Variants in ZNF580 observed in about 807,000 individuals in gnomAD.
The protein encoded by ZNF580 is zinc finger protein 580.
In ZNF580, 1 loss-of-function variant was observed where a neutral mutation model predicts 1.3. The observed-to-expected ratio is 0.77, with a 90% CI of 0.27 to 3.65. The LOEUF (loss-of-function observed/expected upper bound fraction) is 3.65, where lower values mean the gene tolerates loss of function less well. Ranked by LOEUF, ZNF580 falls within the 30% of genes most tolerant of loss-of-function variation. The probability of loss-of-function intolerance (pLI) is 0.19; values close to 1 mark genes in which losing one functional copy is unlikely to be tolerated. For synonymous variants in ZNF580, 135 were observed against 128.8 expected (o/e 1.05, Z -0.32); for missense variants, 268 against 272.3 (o/e 0.98, Z 0.11).
intron 1 of ZNF580, 86 bp downstream of exon 1, chr19:55,641,269 G>A (rs1249601677): frequency 3.6e-5 from 31 of 857,646 alleles, no homozygotes; most frequent in Non-Finnish European, 4.3e-5. Flanking sequence ...GGAGCCACCC[G>A]GGATGGGGGT....
intron 1 of ZNF580, chr19:55,642,211 G>T: frequency 1.7e-6 from 2 of 1,175,678 alleles, no homozygotes. Flanking sequence ...GGGAAGAAAA[G>T]TCGGGGGACT....
In ZNF580 at chr19:55,642,770, C is replaced by G. The variant is rs769814220; in HGVS notation, c.262C>G (p.Pro88Ala). ...QREAPPGEPG[P>A]RKGYSCPECA... is the part of the protein sequence containing the mutation. ...CGAGGCGCCCCCAGGAGAGCCCGGC[C>G]CTCGCAAGGGCTACAGCTGCCCGGA... is the stretch of plus-strand genomic sequence containing the variant. Residue 88 changes from proline (P) to alanine (A), a missense_variant, in exon 2 of 2, where the codon CCT becomes GCT. Coordinates refer to ENST00000325333, the MANE Select transcript of ZNF580 (RefSeq NM_207115.2). The G allele has an allele frequency of 2.6e-6, 4 of 1,547,038 alleles. No individual in the cohort carries two copies. In the South Asian group the frequency reaches 3.6e-5, roughly 14 times the overall value.
chr19:55,641,220 G>A, intron 1 of ZNF580, 37 bp downstream of exon 1: 1 of 981,530 alleles, frequency 1.0e-6, no homozygotes, highest in Non-Finnish European at 1.2e-6. Flanking sequence ...GCCTGGCCCT[G>A]GGACGACGCC....
rs1354444260 is a variant in ZNF580 at position 55,643,221 on chromosome 19, C to T, written c.*194C>T. Reference sequence around the variant, plus strand: ...CCCTTTCTAGCTGTGTGATGTAGACCAAAGTCGTTGCCCCTCCCTGGGCCT... The same window carrying T: ...CCCTTTCTAGCTGTGTGATGTAGACTAAAGTCGTTGCCCCTCCCTGGGCCT... On this transcript the variant is annotated 3_prime_UTR_variant, in exon 2 of 2. Coordinates refer to ENST00000325333, the MANE Select transcript of ZNF580 (RefSeq NM_207115.2). 1 of 1,018,348 alleles carries T rather than the reference C, an allele frequency of 9.8e-7. No homozygotes were observed. The highest frequency in any genetic ancestry group is 4.4e-5 in the South Asian group (1 of 22,792). 63.1% of individuals were successfully genotyped at this position (1,018,348 alleles called of 1,614,324 possible).
intron 1 of ZNF580, 186 bp from the exon 2 acceptor site, chr19:55,642,311 C>G (rs953312616): frequency 2.4e-6 from 3 of 1,256,852 alleles, no homozygotes; most frequent in Non-Finnish European, 3.0e-6. Context: ...GTTGGAGGCC[C>G]TCTCCGAGGC....
chr19:55,642,674 A>C lies in ZNF580; in HGVS notation c.166A>C (p.Ile56Leu). The C allele has an allele frequency of 7.0e-7, 1 of 1,426,646 alleles. No individual in the cohort carries two copies. Among genetic ancestry groups the C allele is most frequent in the Non-Finnish European group, 9.2e-7 (1 of 1,087,086 alleles). The allele number at this position is 1,426,646 out of a possible 1,614,324, so 88.4% of individuals were successfully genotyped here. ...RPPRLGRHLL[I>L]DANGVPYTYT... is the part of the protein sequence containing the mutation. ...CCCGCGGCTGGGCCGCCACCTCCTC[A>C]TCGACGCCAATGGGGTCCCCTACAC... is the stretch of plus-strand genomic sequence containing the variant. Residue 56 changes from isoleucine to leucine, a missense_variant, in exon 2 of 2, where the codon ATC becomes CTC. Around this residue, in one of 2 missense-constraint regions of ZNF580, gnomAD observed 225 missense variants for 201.7 expected, o/e 1.12. Coordinates refer to ENST00000325333, the MANE Select transcript of ZNF580 (RefSeq NM_207115.2).
intron 1 of ZNF580, among the ~76,000 whole-genome samples, chr19:55,641,585 A>T (rs1982483077): frequency 6.6e-6 from 1 of 151,804 alleles, no homozygotes; most frequent in Admixed American, 6.6e-5. Context: ...GGCTTGGGAG[A>T]GGTGCTGTGG....
At position 55,642,923 on chromosome 19, in the gene ZNF580, C is replaced by T. The variant is rs1397268412; in HGVS notation, c.415C>T (p.Arg139Cys). ...FKRSSHLSRHRATHRARAGPP... is the reference protein window; with the variant it reads ...FKRSSHLSRHCATHRARAGPP... ...GCGCTCCAGCCACCTGTCGCGGCAT[C>T]GCGCCACGCACCGCGCCCGCGCCGG... Residue 139 changes from arginine (R) to cysteine (C), a missense_variant, in exon 2 of 2, where the codon CGC becomes TGC. Coordinates refer to ENST00000325333, the MANE Select transcript of ZNF580 (RefSeq NM_207115.2). 11 of 1,506,012 alleles carry T rather than the reference C, an allele frequency of 7.3e-6. No homozygotes were observed. The highest frequency in any genetic ancestry group is 8.8e-6 in the Non-Finnish European group (10 of 1,132,322). 93.3% of individuals were successfully genotyped at this position (1,506,012 alleles called of 1,614,324 possible).
Position 55,641,096 on chromosome 19 carries a change from G to T in ZNF580, c.-100G>T. 1 of 985,358 alleles carries T rather than the reference G, an allele frequency of 1.0e-6. No individual in the cohort carries two copies. The highest frequency in any genetic ancestry group is 1.2e-6 in the Non-Finnish European group (1 of 829,898). 61.0% of individuals were successfully genotyped at this position (985,358 alleles called of 1,614,324 possible). A position where few individuals can be genotyped will look rare whatever the true frequency, so the allele number is the denominator to read the frequency against. ...CGGCCCGGAGCTGCCCGGAAGTCTC[G>T]GTTCCGCCGCCGGCGCTCGCCAGGG... On this transcript the variant is annotated 5_prime_UTR_variant, in exon 1 of 2. Coordinates refer to ENST00000325333, the MANE Select transcript of ZNF580 (RefSeq NM_207115.2).
rs899891110 is a variant in ZNF580 at position 55,641,125 on chromosome 19, G to C, written c.-71G>C. On this transcript the variant is annotated 5_prime_UTR_variant, in exon 1 of 2. Transcript: ENST00000325333. ...CCGCCGCCGGCGCTCGCCAGGGGAA[G>C]CCCGGGGCCGCCCGGGACCTCGGCC... The C allele has an allele frequency of 1.0e-6, 1 of 985,060 alleles. No homozygotes were observed. Among genetic ancestry groups the C allele is most frequent in the African/African-American group, 1.7e-5 (1 of 57,236 alleles). The allele number at this position is 985,060 out of a possible 1,614,324, so 61.0% of individuals were successfully genotyped here. A position where few individuals can be genotyped will look rare whatever the true frequency, so the allele number is the denominator to read the frequency against.
chr19:55,641,830 G>A (rs751597803), intron 1 of ZNF580: 2 of 157,370 alleles, frequency 1.3e-5, no homozygotes, highest in Non-Finnish European at 2.8e-5. Flanking sequence ...GTGGGGAGAG[G>A]TGACTAGACT....
At chr19:55,641,388 G>A (rs760574805) in intron 1 of ZNF580, among the ~76,000 whole-genome samples, 11 of 152,370 alleles carry the variant, frequency 7.2e-5, no homozygotes, top group Non-Finnish European at 1.2e-4. Flanking sequence ...CCAGGGGACA[G>A]GCGGTGTGTA....
intron 1 of ZNF580, chr19:55,642,011 G>C: frequency 1.0e-6 from 1 of 983,336 alleles, no homozygotes; most frequent in Non-Finnish European, 1.2e-6. Context: ...AGGCCGATAC[G>C]GGGGCCGGTG....
chr19:55,642,886 C>G lies in ZNF580; in HGVS notation c.378C>G (p.Gly126=), dbSNP rs775565001. Residue 126 remains glycine (G), a synonymous_variant, in exon 2 of 2, where the codon GGC becomes GGG. Coordinates refer to ENST00000325333, the MANE Select transcript of ZNF580 (RefSeq NM_207115.2). ...DLKPFTCGAC[G]KAFKRSSHLS... ...AGCCCTTCACGTGCGGCGCCTGCGG[C>G]AAGGCCTTCAAGCGCTCCAGCCACC... The G allele has an allele frequency of 1.3e-6, 2 of 1,560,254 alleles. No individual in the cohort carries two copies. The highest frequency in any genetic ancestry group is 2.8e-5 in the African/African-American group (2 of 71,544).
chr19:55,643,049 G>T lies in ZNF580; in HGVS notation c.*22G>T. On this transcript the variant is annotated 3_prime_UTR_variant, in exon 2 of 2. Coordinates refer to ENST00000325333, the MANE Select transcript of ZNF580 (RefSeq NM_207115.2). ...CTAAGCTCGAGACCCGGCCTGTGCT[G>T]CCCTGCCCGTCTCAGGGCCACCAAG... 1 of 1,345,538 alleles carries T rather than the reference G, an allele frequency of 7.4e-7. No homozygotes were observed. Among genetic ancestry groups the T allele is most frequent in the Non-Finnish European group, 9.6e-7 (1 of 1,046,698 alleles). The allele number at this position is 1,345,538 out of a possible 1,614,324, so 83.3% of individuals were successfully genotyped here.
In ZNF580 at chr19:55,642,754, C is replaced by T; in HGVS notation, c.246C>T (p.Pro82=). ...EPRGPPQREA[P]PGEPGPRKGY... The stretch of plus-strand genomic sequence containing the variant: ...GGGGCCCGCCCCAGCGCGAGGCGCC[C>T]CCAGGAGAGCCCGGCCCTCGCAAGG... Residue 82 remains proline (P), a synonymous_variant, in exon 2 of 2, where the codon CCC becomes CCT. Transcript: ENST00000325333. 1.3e-6 allele frequency: 2 copies of T among 1,537,132 alleles called. No individual in the cohort carries two copies. The highest frequency in any genetic ancestry group is 2.5e-5 in the East Asian group (1 of 40,290).
At chr19:55,641,282 G>A (rs1288347880) in intron 1 of ZNF580, 99 bp downstream of exon 1, 1 of 781,118 alleles carries the variant, frequency 1.3e-6, no homozygotes, top group Non-Finnish European at 1.6e-6. Flanking sequence ...ATGGGGGTGG[G>A]GGTCGGGAGC....
chr19:55,642,620 A>G lies in ZNF580; in HGVS notation c.112A>G (p.Thr38Ala), dbSNP rs1367937171. 2.1e-6 allele frequency: 3 copies of G among 1,419,764 alleles called. No homozygotes were observed. The highest frequency in any genetic ancestry group is 9.2e-7 in the Non-Finnish European group (1 of 1,087,064). 87.9% of individuals were successfully genotyped at this position (1,419,764 alleles called of 1,614,324 possible). A position where few individuals can be genotyped will look rare whatever the true frequency, so the allele number is the denominator to read the frequency against. ...PFPKAEGPSSTPSSAAGPRPP... is the reference protein window; with the variant it reads ...PFPKAEGPSSAPSSAAGPRPP... ...CCCCAAGGCGGAAGGCCCCTCCTCC[A>G]CTCCTTCCTCGGCGGCGGGGCCCCG... Residue 38 changes from threonine (T) to alanine (A), a missense_variant, in exon 2 of 2, where the codon ACT (threonine) becomes GCT (alanine). By Grantham distance (58) the Thr-to-Ala change is moderately conservative. Transcript: ENST00000325333.
chr19:55,643,042 C>T lies in ZNF580; in HGVS notation c.*15C>T. On this transcript the variant is annotated 3_prime_UTR_variant, in exon 2 of 2. Transcript: ENST00000325333. The stretch of plus-strand genomic sequence containing the variant: ...GCCTCCACTAAGCTCGAGACCCGGC[C>T]TGTGCTGCCCTGCCCGTCTCAGGGC... The T allele has an allele frequency of 1.5e-6, 2 of 1,350,150 alleles. No homozygotes were observed. Among genetic ancestry groups the T allele is most frequent in the Non-Finnish European group, 1.9e-6 (2 of 1,049,472 alleles). 83.6% of individuals were successfully genotyped at this position (1,350,150 alleles called of 1,614,324 possible). A position where few individuals can be genotyped will look rare whatever the true frequency, so the allele number is the denominator to read the frequency against.
Sources: allele counts gnomAD v4.1 joint callset (sites outside exome capture counted in the v4.1 genomes callset), GRCh38; gene constraint gnomAD v4.1.1; regional missense constraint gnomAD v4.1.1; transcripts MANE v1.5; gene names NCBI Gene and HGNC (gene_info 2026-07-23, HGNC 2026-07-21).